ITLN1: variants seen among roughly 807,000 people sequenced by gnomAD.
The protein encoded by ITLN1 is intelectin-1.
A neutral mutation model predicts 36.2 loss-of-function variants in ITLN1; 29 were observed. The observed-to-expected ratio is 0.80, with a 90% CI of 0.60 to 1.09. The LOEUF (loss-of-function observed/expected upper bound fraction) is 1.09, where lower values mean the gene tolerates loss of function less well. Ranked by LOEUF, ITLN1 falls within the 50% of genes least tolerant of loss-of-function variation. The pLI is 0.00. For synonymous variants in ITLN1, 143 were observed against 146.5 expected (o/e 0.98, Z 0.17); for missense variants, 358 against 405.2 (o/e 0.88, Z 1.00).
Position 160,876,791 on chromosome 1 carries a change from A to G in ITLN1, c.815T>C (p.Phe272Ser). 6.2e-7 allele frequency: 1 copy of G among 1,614,240 alleles called. No homozygotes were observed. The highest frequency in any genetic ancestry group is 8.5e-7 in the Non-Finnish European group (1 of 1,180,026). The change falls in exon 8 of 8, where the codon TTT becomes TCT. Residue 272 changes from phenylalanine (F) to serine (S), a missense_variant. Transcript: ENST00000326245. Reference protein sequence around the residue: ...EHHCIGGGGYFPEASPQQCGD... With the variant: ...EHHCIGGGGYSPEASPQQCGD... ...ACACTGCTGGGGACTGGCCTCTGGAAAGTATCCTCCTCCACCAATGCAGTG... is the reference window on the plus strand; with the variant it reads ...ACACTGCTGGGGACTGGCCTCTGGAGAGTATCCTCCTCCACCAATGCAGTG...
At chr1:160,878,745 T>A (rs1670633567) in intron 7 of ITLN1, among the ~76,000 whole-genome samples, 1 of 152,130 alleles carries the variant, frequency 6.6e-6, no homozygotes, top group Admixed American at 6.5e-5. Flanking sequence ...ATTTAAAATC[T>A]TTGGAATTTG....
chr1:160,880,511 G>T (rs973188651), intron 6 of ITLN1, 77 bp downstream of exon 6: 126 of 1,459,270 alleles, frequency 8.6e-5, no homozygotes, highest in Non-Finnish European at 1.1e-4. Flanking sequence ...GCTTCAGTCC[G>T]ATGCATAACT....
intron 7 of ITLN1, 127 bp from the exon 8 acceptor site, chr1:160,876,943 T>C: frequency 1.0e-6 from 1 of 983,428 alleles, no homozygotes; most frequent in South Asian, 1.7e-5. Flanking sequence ...GTTGATCTAT[T>C]CTTCCCATAA....
intron 6 of ITLN1, among the ~76,000 whole-genome samples, 163 bp from the exon 7 acceptor site, chr1:160,879,577 G>T (rs2274905): frequency 0.58 from 88,289 of 152,058 alleles, 27,624 homozygotes; most frequent in Non-Finnish European, 0.68. Flanking sequence ...CTACATCCTG[G>T]CCTCAAACTT....
At position 160,883,532 on chromosome 1, in the gene ITLN1, G is replaced by T. The variant is rs1469161183; in HGVS notation, c.59-6C>A. 4 of 1,573,450 alleles carry T rather than the reference G, an allele frequency of 2.5e-6. No individual in the cohort carries two copies. The highest frequency in any genetic ancestry group is 3.5e-6 in the Non-Finnish European group (4 of 1,143,350). On this transcript the variant is annotated splice_region_variant and splice_polypyrimidine_tract_variant and intron_variant, in intron 2 of 7. Coordinates refer to ENST00000326245, the MANE Select transcript of ITLN1 (RefSeq NM_017625.3). ...GAAGTAAGTATTAGCCTCATCTAGG[G>T]AATACACAGGGTTTATTCTCATTCC...
At chr1:160,881,866 C>G in intron 4 of ITLN1, 91 bp downstream of exon 4, 2 of 1,584,642 alleles carry the variant, frequency 1.3e-6, no homozygotes, top group Admixed American at 1.7e-5. Flanking sequence ...CCATCCCACA[C>G]CCCTACCTTC....
intron 7 of ITLN1, among the ~76,000 whole-genome samples, chr1:160,878,876 A>G (rs993152270): frequency 6.6e-6 from 1 of 152,170 alleles, no homozygotes; most frequent in African/African-American, 2.4e-5. Context: ...TGCAGTGTGT[A>G]TCTAGGCAAA....
intron 4 of ITLN1, 56 bp from the exon 5 acceptor site, chr1:160,881,368 G>T: frequency 1.3e-6 from 2 of 1,504,596 alleles, no homozygotes; most frequent in Non-Finnish European, 1.8e-6. Flanking sequence ...GGAGGCAGAA[G>T]GTCCACACAT....
At chr1:160,879,130 C>T (rs917506139) in intron 7 of ITLN1, among the ~76,000 whole-genome samples, 181 bp downstream of exon 7, 1 of 152,120 alleles carries the variant, frequency 6.6e-6, no homozygotes, top group Non-Finnish European at 1.5e-5. Flanking sequence ...ATATGTATAC[C>T]TGGACAAAAG....
At chr1:160,878,631 CTGCCT>C (rs1477226069) in intron 7 of ITLN1, among the ~76,000 whole-genome samples, 1 of 152,158 alleles carries the variant, frequency 6.6e-6, no homozygotes, top group Admixed American at 6.5e-5. Flanking sequence ...AGAGATCCAC[CTGCCT>C]TGCCTCGCAA....
chr1:160,881,079 G>T, intron 5 of ITLN1, 75 bp downstream of exon 5: 1 of 1,464,090 alleles, frequency 6.8e-7, no homozygotes. Flanking sequence ...ATTAAAAAAT[G>T]ACTCCTGCCC....
At chr1:160,878,076 G>C (rs1670619308) in intron 7 of ITLN1, among the ~76,000 whole-genome samples, 1 of 152,096 alleles carries the variant, frequency 6.6e-6, no homozygotes, top group South Asian at 2.1e-4. Context: ...GCTGAGGCAG[G>C]ATAATCGCTT....
intron 3 of ITLN1, among the ~76,000 whole-genome samples, chr1:160,882,926 G>A (rs899456626): frequency 3.3e-5 from 5 of 152,112 alleles, no homozygotes; most frequent in Non-Finnish European, 5.9e-5. Context: ...CTGGAGTGAA[G>A]TGGCACTATC....
At position 160,882,010 on chromosome 1, in the gene ITLN1, C is replaced by T; in HGVS notation, c.352G>A (p.Ala118Thr). ...GCAGATCCAAAGGTGTTGTAGTTGG[C>T]CCAGTTGCCGTCCCCCTCTGGGTAG... ...AVYPEGDGNW[A>T]NYNTFGSAEA... Residue 118 changes from alanine to threonine, a missense_variant, in exon 4 of 8, where the codon GCC becomes ACC. Physicochemically the swap from Ala to Thr is moderately conservative, Grantham distance 58 (BLOSUM62 0). Transcript: ENST00000326245. The T allele has an allele frequency of 1.9e-6, 3 of 1,614,088 alleles. No homozygotes were observed. Among genetic ancestry groups the T allele is most frequent in the Non-Finnish European group, 8.5e-7 (1 of 1,180,024 alleles).
At position 160,876,773 on chromosome 1, in the gene ITLN1, TG is replaced by T; in HGVS notation, c.832del (p.Gln278SerfsTer26). On this transcript the variant is annotated frameshift_variant, in exon 8 of 8. Transcript: ENST00000326245. LOFTEE classifies it low-confidence loss of function (END_TRUNC). Reference sequence around the variant, plus strand: ...AAAACCAGAAAAATCTCCACACTGCTGGGGACTGGCCTCTGGAAAGTATCCT... The same window carrying T: ...AAAACCAGAAAAATCTCCACACTGCTGGGACTGGCCTCTGGAAAGTATCCT... ...GGGYFPEASP[Q>X]QCGDFSGFDW... 6.2e-7 allele frequency: 1 copy of T among 1,614,220 alleles called. No homozygotes were observed.
intron 2 of ITLN1, 134 bp downstream of exon 2, chr1:160,884,686 C>T (rs1313979166): frequency 3.1e-6 from 2 of 649,172 alleles, no homozygotes; most frequent in Non-Finnish European, 5.6e-6. Flanking sequence ...CCGCCAGAGA[C>T]CAGAAATCGG....
rs878953426 is a variant in ITLN1 at position 160,885,136 on chromosome 1, C to A, written c.-82G>T. On this transcript the variant is annotated 5_prime_UTR_variant, in exon 1 of 8. Transcript: ENST00000326245. ...TCCCTCCCTCCACTGCGCCCTGGAG[C>A]TCAACAGAGTGCAGCTTTCTCCAAA... 1 of 405,694 alleles carries A rather than the reference C, an allele frequency of 2.5e-6. No homozygotes were observed. Among genetic ancestry groups the A allele is most frequent in the Admixed American group, 3.5e-5 (1 of 28,230 alleles). The allele number at this position is 405,694 out of a possible 1,614,324, so 25.1% of individuals were successfully genotyped here.
At chr1:160,880,802 A>C in intron 5 of ITLN1, 94 bp from the exon 6 acceptor site, 3 of 1,386,994 alleles carry the variant, frequency 2.2e-6, no homozygotes, top group South Asian at 1.3e-5. Flanking sequence ...AGGAGAAACA[A>C]TGCTTTCTCA....
At chr1:160,881,811 A>C (rs1459718156) in intron 4 of ITLN1, 146 bp downstream of exon 4, 4 of 138,634 alleles carry the variant, frequency 2.9e-5, no homozygotes, top group South Asian at 1.2e-4. Context: ...CAAGAAAAAA[A>C]AAAAAAAAAA....
Sources: gnomAD v4.1 joint callset for allele counts (sites outside exome capture counted in the v4.1 genomes callset) on GRCh38, gnomAD v4.1.1 for gene constraint, MANE v1.5 for transcripts, NCBI Gene and HGNC (gene_info 2026-07-23, HGNC 2026-07-21) for gene names.